The following ACTR3C variants were observed in gnomAD, a reference collection of about 807,000 sequenced individuals.
ACTR3C encodes the protein actin-related protein 3C.
Under a neutral mutation model 26.3 loss-of-function variants are expected in ACTR3C, and 18 were observed. That is an observed-to-expected ratio of 0.68 (90% confidence interval 0.47 to 1.01). The LOEUF is 1.01. ACTR3C is among the 50% of genes least tolerant of loss of function. The pLI, the probability that ACTR3C is intolerant of heterozygous loss-of-function variation, is 0.00. For synonymous variants in ACTR3C, 55 were observed against 94.5 expected, an observed-to-expected ratio of 0.58 and a Z score of 2.42; for missense variants, 184 against 250.7, an observed-to-expected ratio of 0.73 and a Z score of 1.80.
intron 1 of ACTR3C, among the ~76,000 whole-genome samples, chr7:150,306,717 C>T (rs574331291): frequency 2.0e-5 from 3 of 152,322 alleles, no homozygotes; most frequent in Admixed American, 6.5e-5. Context: ...AAGGTGAACA[C>T]CTCAGACCCA....
the ACTR3C span, among the ~76,000 whole-genome samples, chr7:149,899,901 CAAA>C: frequency 4.9e-5 from 6 of 121,290 alleles, no homozygotes; most frequent in African/African-American, 9.2e-5. Context: ...AACTAAAGAC[CAAA>C]AAAAAAAAAA....
chr7:150,183,328 T>C, the ACTR3C span, among the ~76,000 whole-genome samples: 1 of 146,510 alleles, frequency 6.8e-6, no homozygotes, highest in Non-Finnish European at 1.5e-5. Flanking sequence ...AGCTATGCAG[T>C]ATTCTAATGT....
At chr7:150,180,607 G>A in the ACTR3C span, among the ~76,000 whole-genome samples, 4 of 147,286 alleles carry the variant, frequency 2.7e-5, no homozygotes, top group East Asian at 2.0e-4. Context: ...CCGCCTCCCG[G>A]GTTCACGCCA....
the ACTR3C span, among the ~76,000 whole-genome samples, chr7:150,172,387 CCT>C: frequency 6.6e-6 from 1 of 150,554 alleles, no homozygotes; most frequent in Non-Finnish European, 1.5e-5. Context: ...CGTGGAAACC[CCT>C]GATAAACACA....
chr7:150,273,282 C>CCTGA (rs200999306), intron 6 of ACTR3C, among the ~76,000 whole-genome samples: 32 of 121,436 alleles, frequency 2.6e-4, no homozygotes, highest in South Asian at 1.2e-3. Flanking sequence ...CACAGACCAA[C>CCTGA]CTTTTTTTTT....
At chr7:150,226,399 A>T in the ACTR3C span, among the ~76,000 whole-genome samples, 34,884 of 151,968 alleles carry the variant, frequency 0.23, 6,449 homozygotes, top group African/African-American at 0.51. Context: ...GCCTTTCTAA[A>T]TAGTGTGTAA....
chr7:150,151,393 A>G, the ACTR3C span, among the ~76,000 whole-genome samples: 3 of 137,722 alleles, frequency 2.2e-5, 1 homozygote, highest in East Asian at 7.9e-4. Context: ...ATTTATTTCT[A>G]TAACTATCTC....
the ACTR3C span, among the ~76,000 whole-genome samples, chr7:150,224,155 T>G: frequency 6.6e-6 from 1 of 152,168 alleles, no homozygotes; most frequent in Non-Finnish European, 1.5e-5. Flanking sequence ...ATTCAATTGA[T>G]TAGATGCAAG....
chr7:149,992,053 T>A, the ACTR3C span, among the ~76,000 whole-genome samples: 1 of 134,646 alleles, frequency 7.4e-6, no homozygotes, highest in Non-Finnish European at 1.7e-5. Context: ...AATCTTACAT[T>A]GAGTGTTTGT....
the ACTR3C span, among the ~76,000 whole-genome samples, chr7:150,123,234 A>T: frequency 3.3e-5 from 5 of 152,092 alleles, no homozygotes; most frequent in Non-Finnish European, 5.9e-5. Flanking sequence ...AAAGTATAAT[A>T]AAAAAAGGTA....
the ACTR3C span, among the ~76,000 whole-genome samples, chr7:149,931,868 A>G: frequency 6.6e-6 from 1 of 152,248 alleles, no homozygotes; most frequent in Non-Finnish European, 1.5e-5. Context: ...GTTTTATGGT[A>G]GGATAAGGAA....
chr7:150,310,792 A>G (rs549747417), intron 1 of ACTR3C, among the ~76,000 whole-genome samples: 6 of 152,098 alleles, frequency 3.9e-5, no homozygotes, highest in Non-Finnish European at 8.8e-5. Context: ...CTCCCAACTT[A>G]TTCAATATGT....
chr7:150,096,759 C>T, the ACTR3C span, among the ~76,000 whole-genome samples: 3 of 152,018 alleles, frequency 2.0e-5, no homozygotes, highest in South Asian at 4.1e-4. Flanking sequence ...GAGCCTATTT[C>T]CCCATTCTTT....
chr7:150,203,675 C>T, the ACTR3C span, among the ~76,000 whole-genome samples: 1 of 152,170 alleles, frequency 6.6e-6, no homozygotes, highest in South Asian at 2.1e-4. Flanking sequence ...AAGGGATTCT[C>T]CTGCCTCAGC....
the ACTR3C span, among the ~76,000 whole-genome samples, chr7:150,005,363 C>G: frequency 6.6e-6 from 1 of 152,120 alleles, no homozygotes; most frequent in Non-Finnish European, 1.5e-5. Context: ...CAAGGGTCAG[C>G]CAGCCCATCA....
the ACTR3C span, among the ~76,000 whole-genome samples, chr7:149,947,643 GGGGCAGC>G: frequency 9.3e-6 from 1 of 107,276 alleles, no homozygotes; most frequent in Non-Finnish European, 1.7e-5. Context: ...GCGTGGGGCT[GGGGCAGC>G]GTGTGCAGGA....
the ACTR3C span, among the ~76,000 whole-genome samples, chr7:150,228,660 C>T: frequency 6.6e-6 from 1 of 152,004 alleles, no homozygotes; most frequent in African/African-American, 2.4e-5. Flanking sequence ...GGAAAGGAAC[C>T]TTGCTGACCC....
At chr7:150,086,339 G>A in the ACTR3C span, among the ~76,000 whole-genome samples, 24 of 152,360 alleles carry the variant, frequency 1.6e-4, no homozygotes, top group South Asian at 2.7e-3. Context: ...CATAGATAAG[G>A]TTGGCCTTAT....
chr7:150,081,401 C>T, the ACTR3C span, among the ~76,000 whole-genome samples: 8 of 151,592 alleles, frequency 5.3e-5, no homozygotes, highest in South Asian at 8.3e-4. Context: ...TGGCTTTAGA[C>T]AGGATATTTG....
Sources: allele counts gnomAD v4.1 joint callset (sites outside exome capture counted in the v4.1 genomes callset), GRCh38; gene constraint gnomAD v4.1.1; transcripts MANE v1.5; gene names NCBI Gene and HGNC (gene_info 2026-07-23, HGNC 2026-07-21).